MSRA: variants seen among roughly 807,000 people sequenced by gnomAD.
MSRA encodes mitochondrial peptide methionine sulfoxide reductase.
A neutral mutation model predicts 31.3 loss-of-function variants in MSRA; 54 were observed. That is an observed-to-expected ratio of 1.73 (90% confidence interval 1.39 to 2.17). The LOEUF is 2.17. Ranked by LOEUF, MSRA falls within the 30% of genes most tolerant of loss-of-function variation. The probability of loss-of-function intolerance (pLI) is 0.00; values close to 1 mark genes in which losing one functional copy is unlikely to be tolerated. For synonymous variants in MSRA, 169 were observed against 116.5 expected (o/e 1.45, Z -2.90); for missense variants, 507 against 300.9 (o/e 1.69, Z -5.07).
intron 1 of MSRA, among the ~76,000 whole-genome samples, chr8:10,206,015 A>G (rs1210677504): frequency 1.3e-5 from 2 of 152,322 alleles, no homozygotes; most frequent in East Asian, 3.9e-4. Flanking sequence ...TAATACTTTC[A>G]TAGATATTAT....
intron 3 of MSRA, among the ~76,000 whole-genome samples, chr8:10,294,014 G>T (rs2129119249): frequency 6.6e-6 from 1 of 152,196 alleles, no homozygotes; most frequent in Non-Finnish European, 1.5e-5. Context: ...GACCAGCCTG[G>T]CCAACATGGC....
chr8:10,249,253 T>C (rs190797262), intron 3 of MSRA, among the ~76,000 whole-genome samples: 1 of 152,334 alleles, frequency 6.6e-6, no homozygotes, highest in African/African-American at 2.4e-5. Flanking sequence ...ACAGTTCTAA[T>C]TCTTATTTAG....
intron 5 of MSRA, among the ~76,000 whole-genome samples, chr8:10,386,339 G>A (rs900629478): frequency 6.6e-5 from 10 of 152,096 alleles, no homozygotes; most frequent in African/African-American, 2.2e-4. Context: ...CTGATCAGAC[G>A]TTAGGAAGAT....
At chr8:10,252,808 C>G (rs1484268022) in intron 3 of MSRA, among the ~76,000 whole-genome samples, 1 of 152,228 alleles carries the variant, frequency 6.6e-6, no homozygotes, top group Non-Finnish European at 1.5e-5. Flanking sequence ...GTAAAACATG[C>G]ACTCAGCCAG....
In MSRA at chr8:10,282,050, C is replaced by T. The variant is rs116120412; in HGVS notation, c.332-19484C>T. Reference sequence around the variant, plus strand: ...GGGTGGGTTCTTCCAGACTCTCCCCCCACGTACAATAGTGTGTGGATGGCA... The same window carrying T: ...GGGTGGGTTCTTCCAGACTCTCCCCTCACGTACAATAGTGTGTGGATGGCA... On this transcript the variant is annotated intron_variant, in intron 3 of 5. Coordinates refer to ENST00000317173, the MANE Select transcript of MSRA (RefSeq NM_012331.5). 3.7e-3 allele frequency among the ~76,000 whole-genome samples: 556 copies of T among 152,252 alleles called. 3 individuals are homozygous for T. The highest frequency in any genetic ancestry group is 0.013 in the African/African-American group (540 of 41,532).
chr8:10,161,747 G>C (rs1416832291), intron 1 of MSRA, among the ~76,000 whole-genome samples: 1 of 152,082 alleles, frequency 6.6e-6, no homozygotes, highest in African/African-American at 2.4e-5. Context: ...CGGGGTGTCT[G>C]CATCTGGGCA....
intron 1 of MSRA, among the ~76,000 whole-genome samples, chr8:10,075,251 A>T (rs1797944090): frequency 6.6e-6 from 1 of 152,218 alleles, no homozygotes; most frequent in Non-Finnish European, 1.5e-5. Flanking sequence ...TAGTTAAATG[A>T]ACTAAAGAAT....
intron 1 of MSRA, among the ~76,000 whole-genome samples, chr8:10,200,057 C>G (rs1024944494): frequency 6.6e-6 from 1 of 152,164 alleles, no homozygotes; most frequent in Non-Finnish European, 1.5e-5. Context: ...GCTTGTTCTT[C>G]TGCAGAAAGA....
At chr8:10,087,097 A>G (rs1017776441) in intron 1 of MSRA, among the ~76,000 whole-genome samples, 1 of 152,176 alleles carries the variant, frequency 6.6e-6, no homozygotes, top group Non-Finnish European at 1.5e-5. Context: ...CGTGTAAAGC[A>G]TGGTTGTGTT....
intron 1 of MSRA, among the ~76,000 whole-genome samples, chr8:10,179,570 GGTCTT>G (rs1199664444): frequency 2.0e-5 from 3 of 152,202 alleles, no homozygotes; most frequent in Non-Finnish European, 2.9e-5. Context: ...TGTCTGGCAA[GGTCTT>G]GTCTTGCTTT....
intron 5 of MSRA, among the ~76,000 whole-genome samples, chr8:10,425,008 G>A (rs1477214864): frequency 2.0e-5 from 3 of 152,230 alleles, no homozygotes; most frequent in Admixed American, 6.5e-5. Flanking sequence ...GGAGTTGTCC[G>A]AGGGGAGTGA....
At chr8:10,172,506 C>T (rs1416309379) in intron 1 of MSRA, among the ~76,000 whole-genome samples, 3 of 152,018 alleles carry the variant, frequency 2.0e-5, no homozygotes, top group African/African-American at 7.3e-5. Context: ...TGGCTGATGG[C>T]AGAGTATTAG....
intron 5 of MSRA, among the ~76,000 whole-genome samples, chr8:10,326,948 C>T (rs1375431022): frequency 6.6e-6 from 1 of 152,156 alleles, no homozygotes; most frequent in Admixed American, 6.5e-5. Context: ...TCTTTTCCCA[C>T]TGAGAAATTA....
At chr8:10,096,439 A>T (rs1171689768) in intron 1 of MSRA, 1 of 290,702 alleles carries the variant, frequency 3.4e-6, no homozygotes, top group African/African-American at 2.3e-5. Flanking sequence ...TGAGAAGGAA[A>T]TGATGAAAGG....
intron 5 of MSRA, among the ~76,000 whole-genome samples, chr8:10,372,170 C>A (rs1053235472): frequency 1.3e-5 from 2 of 152,204 alleles, no homozygotes; most frequent in African/African-American, 4.8e-5. Context: ...GGCCTTCCCA[C>A]CTTTTGCCTC....
intron 1 of MSRA, among the ~76,000 whole-genome samples, chr8:10,107,707 A>T (rs559636904): frequency 1.3e-5 from 2 of 152,202 alleles, no homozygotes; most frequent in African/African-American, 4.8e-5. Context: ...CATTTTCTTA[A>T]TGCTTATTCT....
intron 1 of MSRA, among the ~76,000 whole-genome samples, chr8:10,150,254 C>A (rs1337373847): frequency 6.6e-6 from 1 of 152,012 alleles, no homozygotes; most frequent in East Asian, 1.9e-4. Flanking sequence ...AGAGATGCTG[C>A]TAATTACATC....
chr8:10,326,866 G>A (rs116270356), intron 5 of MSRA, among the ~76,000 whole-genome samples: 103 of 152,230 alleles, frequency 6.8e-4, no homozygotes, highest in African/African-American at 2.3e-3. Context: ...TGTGGCCTCC[G>A]GTAGAGTGAG....
chr8:10,266,397 TTGTC>T (rs1382756961), intron 3 of MSRA, among the ~76,000 whole-genome samples: 1 of 152,226 alleles, frequency 6.6e-6, no homozygotes, highest in Non-Finnish European at 1.5e-5. Context: ...CTTTCATAAA[TTGTC>T]TGTTCAAATC....
Sources: gnomAD v4.1 joint callset for allele counts (sites outside exome capture counted in the v4.1 genomes callset) on GRCh38, gnomAD v4.1.1 for gene constraint, MANE v1.5 for transcripts, NCBI Gene and HGNC (gene_info 2026-07-23, HGNC 2026-07-21) for gene names.